RNASE13: variants seen among roughly 807,000 people sequenced by gnomAD.
The protein encoded by RNASE13 is probable inactive ribonuclease-like protein 13.
For synonymous variants in RNASE13, 67 were observed against 71.6 expected (o/e 0.94, Z 0.32); for missense variants, 188 against 192.8 (o/e 0.98, Z 0.15).
rs779827802 is a variant in RNASE13 at position 21,033,842 on chromosome 14, G to A, written c.447C>T (p.Ile149=). ...SRKYEADPIG[I]AGLYSGI The stretch of plus-strand genomic sequence containing the variant: ...ATTAAATTCCCGAATAGAGACCAGC[G>A]ATACCTATTGGATCAGCTTCATACT... The change falls in exon 2 of 2, where the codon ATC becomes ATT. Residue 149 remains isoleucine, a synonymous_variant. Transcript: ENST00000382951. The A allele has an allele frequency of 2.5e-5, 41 of 1,612,470 alleles. No individual in the cohort carries two copies. Among genetic ancestry groups the A allele is most frequent in the Admixed American group, 1.7e-4 (10 of 59,994 alleles).
rs763519949 is a variant in RNASE13 at position 21,033,813 on chromosome 14, A to G, written c.*5T>C. On this transcript the variant is annotated 3_prime_UTR_variant, in exon 2 of 2. Coordinates refer to ENST00000382951, the MANE Select transcript of RNASE13 (RefSeq NM_001012264.4). ...GGTGGTAGAGGTTGGGGAGTGGCTC[A>G]GGAATTAAATTCCCGAATAGAGACC... 27 of 1,573,168 alleles carry G rather than the reference A, an allele frequency of 1.7e-5. No individual in the cohort carries two copies. In the African/African-American group the frequency reaches 3.4e-4, roughly 20 times the overall value.
rs1352451262 is a variant in RNASE13, at chr14:21,033,877, A to G, written c.412T>C (p.Cys138Arg). Residue 138 changes from cysteine to arginine, a missense_variant, in exon 2 of 2, where the codon TGC (cysteine) becomes CGC (arginine). Transcript: ENST00000382951. ...TLTNQKLYLL[C>R]SRKYEADPIG... The stretch of plus-strand genomic sequence containing the variant: ...GGATCAGCTTCATACTTGCGGGAGC[A>G]GAGTAGGTAGAGCTTCTGGTTGGTT... The G allele has an allele frequency of 6.2e-7, 1 of 1,614,160 alleles. No homozygotes were observed. The highest frequency in any genetic ancestry group is 8.5e-7 in the Non-Finnish European group (1 of 1,180,012).
At position 21,034,277 on chromosome 14, in the gene RNASE13, AGCT is replaced by A; in HGVS notation, c.9_11del (p.Ala4del). On this transcript the variant is annotated inframe_deletion, in exon 2 of 2. Transcript: ENST00000382951. ...GCTGGAGGAAAAGGAGCCGGGTCAC[AGCT>A]GGTGCCATTCCTCCTGCTGGTAGAG... 1 of 1,610,428 alleles carries A rather than the reference AGCT, an allele frequency of 6.2e-7. No homozygotes were observed. Among genetic ancestry groups the A allele is most frequent in the Non-Finnish European group, 8.5e-7 (1 of 1,177,974 alleles).
chr14:21,033,681 T>G lies in RNASE13; in HGVS notation c.*137A>C, dbSNP rs111247802. On this transcript the variant is annotated 3_prime_UTR_variant, in exon 2 of 2. Coordinates refer to ENST00000382951, the MANE Select transcript of RNASE13 (RefSeq NM_001012264.4). ...CATGGTGATCAAAGCCCTGGACATT[T>G]TCGCACCCACCTGGTCTCTTGGGAG... 306 of 683,992 alleles carry G rather than the reference T, an allele frequency of 4.5e-4. 1 individual carries two copies. Among genetic ancestry groups the G allele is most frequent in the Middle Eastern group, 3.8e-3 (15 of 3,928 alleles). The allele number at this position is 683,992 out of a possible 1,614,324, so 42.4% of individuals were successfully genotyped here.
rs564252254 is a variant in RNASE13, at chr14:21,033,724, G to A, written c.*94C>T. On this transcript the variant is annotated 3_prime_UTR_variant, in exon 2 of 2. Transcript: ENST00000382951. The stretch of plus-strand genomic sequence containing the variant: ...CTTGGGAGGGGACCCTGCCTGCCTC[G>A]TAAGTCAGGAAGGAAGTCTTGTTAC... The A allele has an allele frequency of 2.8e-5, 26 of 918,784 alleles. No individual in the cohort carries two copies. Among genetic ancestry groups the A allele is most frequent in the East Asian group, 1.9e-4 (8 of 41,506 alleles). 56.9% of individuals were successfully genotyped at this position (918,784 alleles called of 1,614,324 possible).
At position 21,033,878 on chromosome 14, in the gene RNASE13, G is replaced by C; in HGVS notation, c.411C>G (p.Leu137=). The stretch of plus-strand genomic sequence containing the variant: ...GATCAGCTTCATACTTGCGGGAGCA[G>C]AGTAGGTAGAGCTTCTGGTTGGTTA... ...STLTNQKLYL[L]CSRKYEADPI... The change falls in exon 2 of 2, where the codon CTC becomes CTG. Residue 137 remains leucine, a synonymous_variant. Transcript: ENST00000382951. 1 of 1,614,142 alleles carries C rather than the reference G, an allele frequency of 6.2e-7. No individual in the cohort carries two copies. The highest frequency in any genetic ancestry group is 1.1e-5 in the South Asian group (1 of 91,074).
rs1884452080 is a variant in RNASE13, at chr14:21,034,133, AC to A, written c.155del (p.Cys52LeufsTer4). ...CTCGCATATAGGACATCAGACCATT[AC>A]AATAGCCCCGGAAACCCTTTGGGTA... is the stretch of plus-strand genomic sequence containing the variant. The part of the protein sequence containing the change: ...VNYPKGFRGY[C>X]NGLMSYMRGK... On this transcript the variant is annotated frameshift_variant, in exon 2 of 2. Transcript: ENST00000382951. LOFTEE classifies it low-confidence loss of function (END_TRUNC). 5.0e-6 allele frequency: 8 copies of A among 1,614,226 alleles called. No homozygotes were observed. The East Asian group carries it at 1.8e-4, about 36-fold the overall frequency.
At position 21,034,662 on chromosome 14, in the gene RNASE13, A is replaced by C; in HGVS notation, c.-15T>G. ...AAAGAAGGAGCAGGCTGACCTGACA[A>C]TTCTCTGGCAGCTGGGAGGAAGGAC... On this transcript the variant is annotated 5_prime_UTR_variant, in exon 1 of 2. Coordinates refer to ENST00000382951, the MANE Select transcript of RNASE13 (RefSeq NM_001012264.4). 4.9e-6 allele frequency: 1 copy of C among 204,368 alleles called. No homozygotes were observed. The allele number at this position is 204,368 out of a possible 1,614,324, so 12.7% of individuals were successfully genotyped here.
Position 21,034,387 on chromosome 14 carries a change from A to C in RNASE13, c.-8-91T>G. 4 of 833,378 alleles carry C rather than the reference A, an allele frequency of 4.8e-6. No individual in the cohort carries two copies. The South Asian group carries it at 6.8e-5, about 14-fold the overall frequency. 51.6% of individuals were successfully genotyped at this position (833,378 alleles called of 1,614,324 possible). A position where few individuals can be genotyped will look rare whatever the true frequency, so the allele number is the denominator to read the frequency against. On this transcript the variant is annotated intron_variant, in intron 1 of 1. Coordinates refer to ENST00000382951, the MANE Select transcript of RNASE13 (RefSeq NM_001012264.4). Reference sequence around the variant, plus strand: ...CCTCCAGCATTCCCAACCCAACAGTACTTTAGAGATCATCTCACCCATAAC... The same window carrying C: ...CCTCCAGCATTCCCAACCCAACAGTCCTTTAGAGATCATCTCACCCATAAC...
In RNASE13 at chr14:21,032,902, T is replaced by C. The variant is rs921146260; in HGVS notation, c.*916A>G. 2.0e-5 allele frequency: 9 copies of C among 454,908 alleles called. No homozygotes were observed. Among genetic ancestry groups the C allele is most frequent in the Non-Finnish European group, 4.0e-5 (9 of 226,828 alleles). The allele number at this position is 454,908 out of a possible 1,614,324, so 28.2% of individuals were successfully genotyped here. Reference sequence around the variant, plus strand: ...TGGTACAGAGGGGGCTCGTGTGCCCTTCACCCAGTTTCCCCCAATGGTTAC... The same window carrying C: ...TGGTACAGAGGGGGCTCGTGTGCCCCTCACCCAGTTTCCCCCAATGGTTAC... On this transcript the variant is annotated 3_prime_UTR_variant, in exon 2 of 2. Coordinates refer to ENST00000382951, the MANE Select transcript of RNASE13 (RefSeq NM_001012264.4).
At position 21,033,133 on chromosome 14, in the gene RNASE13, AAAAG is replaced by A. The variant is rs1427445298; in HGVS notation, c.*681_*684del. 1 of 382,016 alleles carries A rather than the reference AAAAG, an allele frequency of 2.6e-6. No individual in the cohort carries two copies. The highest frequency in any genetic ancestry group is 5.1e-6 in the Non-Finnish European group (1 of 196,110). The allele number at this position is 382,016 out of a possible 1,614,324, so 23.7% of individuals were successfully genotyped here. ...GAGCCAAGGTAAGAAGACTGGAAGA[AAAAG>A]AGGTTGGAAAAAGGAAGGCAGGGTG... On this transcript the variant is annotated 3_prime_UTR_variant, in exon 2 of 2. Transcript: ENST00000382951.
At position 21,032,916 on chromosome 14, in the gene RNASE13, C is replaced by T; in HGVS notation, c.*902G>A. ...CTCGTGTGCCCTTCACCCAGTTTCC[C>T]CCAATGGTTACATCTTACATACTCA... On this transcript the variant is annotated 3_prime_UTR_variant, in exon 2 of 2. Transcript: ENST00000382951. 2.2e-6 allele frequency: 1 copy of T among 455,622 alleles called. No individual in the cohort carries two copies. The allele number at this position is 455,622 out of a possible 1,614,324, so 28.2% of individuals were successfully genotyped here.
Position 21,034,668 on chromosome 14 carries a change from T to G in RNASE13, c.-21A>C. 2 of 195,856 alleles carry G rather than the reference T, an allele frequency of 1.0e-5. No individual in the cohort carries two copies. Among genetic ancestry groups the G allele is most frequent in the Non-Finnish European group, 2.1e-5 (2 of 95,912 alleles). The allele number at this position is 195,856 out of a possible 1,614,324, so 12.1% of individuals were successfully genotyped here. On this transcript the variant is annotated 5_prime_UTR_variant, in exon 1 of 2. Transcript: ENST00000382951. The stretch of plus-strand genomic sequence containing the variant: ...GGAGCAGGCTGACCTGACAATTCTC[T>G]GGCAGCTGGGAGGAAGGACAGGAGC...
At position 21,033,353 on chromosome 14, in the gene RNASE13, C is replaced by T. The variant is rs2139087719; in HGVS notation, c.*465G>A. ...GGAGGTTCCTATAGCTAGCCATATC[C>T]CCTGAGTAGGTGGGTGAGTGGAGGG... is the stretch of plus-strand genomic sequence containing the variant. On this transcript the variant is annotated 3_prime_UTR_variant, in exon 2 of 2. Transcript: ENST00000382951. 1 of 281,040 alleles carries T rather than the reference C, an allele frequency of 3.6e-6. No individual in the cohort carries two copies. Among genetic ancestry groups the T allele is most frequent in the South Asian group, 3.6e-5 (1 of 28,044 alleles). 17.4% of individuals were successfully genotyped at this position (281,040 alleles called of 1,614,324 possible).
rs916952751 is a variant in RNASE13, at chr14:21,033,198, A to G, written c.*620T>C. On this transcript the variant is annotated 3_prime_UTR_variant, in exon 2 of 2. Coordinates refer to ENST00000382951, the MANE Select transcript of RNASE13 (RefSeq NM_001012264.4). ...TTGGGAGTGTGGGGGAGACAGTCCT[A>G]GGCTCCATGGTAAGAGGAAGCAGGA... 5.6e-6 allele frequency: 2 copies of G among 354,662 alleles called. No individual in the cohort carries two copies. The highest frequency in any genetic ancestry group is 4.3e-5 in the South Asian group (2 of 46,514). The allele number at this position is 354,662 out of a possible 1,614,324, so 22.0% of individuals were successfully genotyped here.
In RNASE13 at chr14:21,034,232, C is replaced by T; in HGVS notation, c.57G>A (p.Leu19=). The change falls in exon 2 of 2, where the codon CTG becomes CTA. Residue 19 remains leucine, a synonymous_variant. Coordinates refer to ENST00000382951, the MANE Select transcript of RNASE13 (RefSeq NM_001012264.4). ...CAATCTGCATCTTGATGTCCATGAC[C>T]AGAGTTGGCCCCAGAACAAGCTGGA... ...LFLQLVLGPT[L]VMDIKMQIGS... The T allele has an allele frequency of 6.2e-7, 1 of 1,614,030 alleles. No individual in the cohort carries two copies. Among genetic ancestry groups the T allele is most frequent in the Middle Eastern group, 1.6e-4 (1 of 6,062 alleles).
Position 21,033,920 on chromosome 14 carries a change from G to A in RNASE13, c.369C>T (p.Cys123=), listed in dbSNP as rs1199246087. Residue 123 remains cysteine, a synonymous_variant, in exon 2 of 2, where the codon TGC becomes TGT. Coordinates refer to ENST00000382951, the MANE Select transcript of RNASE13 (RefSeq NM_001012264.4). ...GGTTGGTTAGGGTGCTATTGTAGTA[G>A]CAGCTAGTGGGTGGCTGTTGGTGGC... ...SLSHQQPPTS[C]YYNSTLTNQK... 2.5e-6 allele frequency: 4 copies of A among 1,613,906 alleles called. No individual in the cohort carries two copies. Among genetic ancestry groups the A allele is most frequent in the Non-Finnish European group, 3.4e-6 (4 of 1,179,906 alleles).
chr14:21,034,316 TG>T lies in RNASE13; in HGVS notation c.-8-21del. The T allele has an allele frequency of 6.4e-7, 1 of 1,569,126 alleles. No individual in the cohort carries two copies. The highest frequency in any genetic ancestry group is 1.9e-4 in the Middle Eastern group (1 of 5,170). On this transcript the variant is annotated intron_variant, in intron 1 of 1. Coordinates refer to ENST00000382951, the MANE Select transcript of RNASE13 (RefSeq NM_001012264.4). The stretch of plus-strand genomic sequence containing the variant: ...CTCCTGCTGGTAGAGTTAAGGTGGT[TG>T]GGGGCAGCAGTGGGCCTGAAGTGGC...
In RNASE13 at chr14:21,033,055, G is replaced by A. The variant is rs2986237; in HGVS notation, c.*763C>T. On this transcript the variant is annotated 3_prime_UTR_variant, in exon 2 of 2. Transcript: ENST00000382951. ...TTGGGAGGAGCTTCTGGAAGAGAAG[G>A]GAAGCAGGAACCTCTGGGGAATGGG... is the stretch of plus-strand genomic sequence containing the variant. The A allele has an allele frequency of 1.1e-5, 5 of 451,006 alleles. No homozygotes were observed. The highest frequency in any genetic ancestry group is 3.1e-5 in the South Asian group (2 of 63,628). 27.9% of individuals were successfully genotyped at this position (451,006 alleles called of 1,614,324 possible). A position where few individuals can be genotyped will look rare whatever the true frequency, so the allele number is the denominator to read the frequency against.
Sources: allele counts gnomAD v4.1 joint callset, GRCh38; gene constraint gnomAD v4.1.1; transcripts MANE v1.5; gene names NCBI Gene and HGNC (gene_info 2026-07-23, HGNC 2026-07-21).